The following AKNA variants were observed in gnomAD, a reference collection of about 807,000 sequenced individuals.
The protein encoded by AKNA is microtubule organization protein AKNA.
Under a neutral mutation model 138.8 loss-of-function variants are expected in AKNA, and 67 were observed. That is an observed-to-expected ratio of 0.48 (90% confidence interval 0.40 to 0.59). AKNA has a LOEUF of 0.59. Among genes scored for constraint, AKNA ranks in the 20% least tolerant of loss-of-function variants. AKNA has a pLI of 0.00. For missense variants in AKNA, 1,813 were observed against 1,880.4 expected (o/e 0.96, Z 0.66); for synonymous variants, 737 against 754.4 (o/e 0.98, Z 0.38).
rs780433861 is a variant in AKNA, at chr9:114,341,569, G to A, written c.4031C>T (p.Ser1344Phe). The change falls in exon 21 of 22, where the codon TCC (serine) becomes TTC (phenylalanine). Residue 1344 changes from serine to phenylalanine, a missense_variant. Physicochemically the swap from Ser to Phe is radical, Grantham distance 155 (BLOSUM62 -2). Transcript: ENST00000374088. ...TGGATAAGGCATGATGGGAACCGAG[G>A]AGATGTAGGCAAAGGCTGGAGGGGC... is the stretch of plus-strand genomic sequence containing the variant. Reference protein sequence around the residue: ...APAPPAFAYISSVPIMPYPPA... With the variant: ...APAPPAFAYIFSVPIMPYPPA... 40 of 1,614,160 alleles carry A rather than the reference G, an allele frequency of 2.5e-5. No homozygotes were observed. Among genetic ancestry groups the A allele is most frequent in the Non-Finnish European group, 3.3e-5 (39 of 1,180,034 alleles).
upstream of AKNA, among the ~76,000 whole-genome samples, chr9:114,389,519 C>G (rs1293630648): frequency 6.6e-6 from 1 of 152,108 alleles, no homozygotes. Context: ...GTCTCTAAGC[C>G]TCAGTTTCTT....
In AKNA at chr9:114,350,744, A is replaced by G; in HGVS notation, c.3221+115T>C. ...AGGACACCTGGGTCCGTCTGCTCCT[A>G]CCACCACCATCTGTGTGAGCTGGGC... is the stretch of plus-strand genomic sequence containing the variant. On this transcript the variant is annotated intron_variant, in intron 15 of 21. Coordinates refer to ENST00000374088, the MANE Select transcript of AKNA (RefSeq NM_001317950.2). 3 of 1,251,488 alleles carry G rather than the reference A, an allele frequency of 2.4e-6. No homozygotes were observed. The South Asian group carries it at 4.6e-5, about 19-fold the overall frequency. 77.5% of individuals were successfully genotyped at this position (1,251,488 alleles called of 1,614,324 possible). A position where few individuals can be genotyped will look rare whatever the true frequency, so the allele number is the denominator to read the frequency against.
chr9:114,391,664 C>T (rs1028037765), upstream of AKNA, among the ~76,000 whole-genome samples: 2 of 152,074 alleles, frequency 1.3e-5, no homozygotes, highest in African/African-American at 2.4e-5. Flanking sequence ...GCCTGGGCAA[C>T]ATGATGAAAC....
At chr9:114,364,034 T>A (rs553686657) in intron 7 of AKNA, among the ~76,000 whole-genome samples, 76 of 152,196 alleles carry the variant, frequency 5.0e-4, no homozygotes, top group Non-Finnish European at 9.1e-4. Context: ...CCACTTTTTT[T>A]AACAGGGTTT....
intron 2 of AKNA, among the ~76,000 whole-genome samples, chr9:114,378,443 C>T (rs1833402692): frequency 2.6e-5 from 4 of 152,278 alleles, no homozygotes; most frequent in South Asian, 4.1e-4. Flanking sequence ...ACATTTGTCT[C>T]GCCCACTACA....
upstream of AKNA, among the ~76,000 whole-genome samples, chr9:114,388,487 T>A (rs1834200399): frequency 6.6e-6 from 1 of 152,174 alleles, no homozygotes; most frequent in African/African-American, 2.4e-5. Flanking sequence ...AGGGAGACCG[T>A]GGTGATTCCT....
Position 114,359,614 on chromosome 9 carries a change from T to C in AKNA, c.2472A>G (p.Lys824=), listed in dbSNP as rs751362664. The C allele has an allele frequency of 6.2e-7, 1 of 1,614,132 alleles. No homozygotes were observed. Among genetic ancestry groups the C allele is most frequent in the Non-Finnish European group, 8.5e-7 (1 of 1,180,012 alleles). The change falls in exon 11 of 22, where the codon AAA becomes AAG. Residue 824 remains lysine (K), a synonymous_variant. Coordinates refer to ENST00000374088, the MANE Select transcript of AKNA (RefSeq NM_001317950.2). ...LPRQCPVQAE[K]SHGAPLEEAT... ...CTTACTCCAGGGGAGCCCCATGACT[T>C]TTCTCAGCCTGCACCGGGCACTGCC...
intron 9 of AKNA, among the ~76,000 whole-genome samples, chr9:114,360,435 T>C (rs2636898): frequency 0.036 from 5,513 of 152,248 alleles, 350 homozygotes; most frequent in African/African-American, 0.13. Context: ...CTGCCAGAGT[T>C]AACTCTCCTG....
chr9:114,358,144 GATACC>G lies in AKNA; in HGVS notation c.2511_2515del (p.Met837IlefsTer13). 1 of 1,614,178 alleles carries G rather than the reference GATACC, an allele frequency of 6.2e-7. No homozygotes were observed. On this transcript the variant is annotated frameshift_variant, in exon 12 of 22. Transcript: ENST00000374088. LOFTEE classifies it high-confidence loss of function. ...TGCCTGGAAACCTGGTGGCTTCATAGATACCATCTTCTCCGTGGCCTCCCTGGCAT... is the reference window on the plus strand; with the variant it reads ...TGCCTGGAAACCTGGTGGCTTCATAGATCTTCTCCGTGGCCTCCCTGGCAT...
At chr9:114,368,346 C>G (rs147443661) in intron 5 of AKNA, 93 bp downstream of exon 5, 1 of 1,277,862 alleles carries the variant, frequency 7.8e-7, no homozygotes, top group African/African-American at 1.5e-5. Context: ...TGGCCTGAGG[C>G]CAGCGCCATC....
chr9:114,355,505 G>A (rs959165316), intron 14 of AKNA, among the ~76,000 whole-genome samples: 2 of 152,148 alleles, frequency 1.3e-5, no homozygotes, highest in African/African-American at 4.8e-5. Flanking sequence ...GACCGGCAGC[G>A]CAGTAGGTTT....
intron 1 of AKNA, among the ~76,000 whole-genome samples, chr9:114,386,140 G>T (rs563559397): frequency 1.3e-5 from 2 of 152,110 alleles, no homozygotes; most frequent in African/African-American, 4.8e-5. Context: ...AAAGTACAAA[G>T]ATACATACTG....
intron 1 of AKNA, among the ~76,000 whole-genome samples, chr9:114,385,102 C>T (rs1037362953): frequency 2.0e-5 from 3 of 152,200 alleles, no homozygotes; most frequent in African/African-American, 7.2e-5. Context: ...GATCCTCCTG[C>T]CTCGGCCTCC....
chr9:114,358,050 C>G lies in AKNA; in HGVS notation c.2610G>C (p.Val870=), dbSNP rs771477315. 1 of 1,611,458 alleles carries G rather than the reference C, an allele frequency of 6.2e-7. No individual in the cohort carries two copies. Among genetic ancestry groups the G allele is most frequent in the South Asian group, 1.1e-5 (1 of 90,880 alleles). The change falls in exon 12 of 22, where the codon GTG becomes GTC. Residue 870 remains valine (V), a synonymous_variant. Coordinates refer to ENST00000374088, the MANE Select transcript of AKNA (RefSeq NM_001317950.2). The part of the protein sequence containing the change: ...KAEAAPPGPG[V]PPHPPGTKSA... ...ACTTGGTGCCTGGAGGGTGGGGTGG[C>G]ACGCCAGGGCCTGGAGGGGCTGCCT...
At chr9:114,339,865 T>A (rs2131769266) in intron 21 of AKNA, among the ~76,000 whole-genome samples, 1 of 152,234 alleles carries the variant, frequency 6.6e-6, no homozygotes, top group East Asian at 1.9e-4. Flanking sequence ...GGGAGGCCAA[T>A]GCGGGCAGAT....
chr9:114,366,829 T>C (rs1163627453), intron 6 of AKNA, among the ~76,000 whole-genome samples: 1 of 152,148 alleles, frequency 6.6e-6, no homozygotes, highest in African/African-American at 2.4e-5. Flanking sequence ...CATGTAACTA[T>C]TGCATTTCTC....
chr9:114,350,469 C>T (rs1831027001), intron 15 of AKNA, among the ~76,000 whole-genome samples: 1 of 152,146 alleles, frequency 6.6e-6, no homozygotes, highest in Admixed American at 6.5e-5. Flanking sequence ...AAAAAATGCA[C>T]ACGAACCAAA....
Position 114,346,779 on chromosome 9 carries a change from G to T in AKNA, c.3404C>A (p.Ser1135Tyr), listed in dbSNP as rs761907438. ...AGGCTCACCAGGCAATCTCTCTGTG[G>T]ATTTACTAGCAAAAGGAAAGAGAGA... ...ATWGSHYGSK[S>Y]TERLPGEPRG... Residue 1135 changes from serine to tyrosine, a missense_variant, in exon 17 of 22, where the codon TCC (serine) becomes TAC (tyrosine). Coordinates refer to ENST00000374088, the MANE Select transcript of AKNA (RefSeq NM_001317950.2). 1.6e-5 allele frequency: 26 copies of T among 1,611,222 alleles called. No individual in the cohort carries two copies. The highest frequency in any genetic ancestry group is 2.2e-5 in the Non-Finnish European group (26 of 1,178,738).
intron 6 of AKNA, among the ~76,000 whole-genome samples, chr9:114,365,840 G>A (rs1011302605): frequency 2.6e-5 from 4 of 152,192 alleles, no homozygotes; most frequent in Admixed American, 2.0e-4. Context: ...AGTCACATGT[G>A]GCCAGCAGCT....
Sources: allele counts gnomAD v4.1 joint callset (sites outside exome capture counted in the v4.1 genomes callset), GRCh38; gene constraint gnomAD v4.1.1; transcripts MANE v1.5; gene names NCBI Gene and HGNC (gene_info 2026-07-23, HGNC 2026-07-21).